CELSR2: variants seen among roughly 807,000 people sequenced by gnomAD.
CELSR2 encodes EGF-like protein 2.
In CELSR2, 81 loss-of-function variants were observed where a neutral mutation model predicts 251.6. That is an observed-to-expected ratio of 0.32 (90% CI 0.27 to 0.39). CELSR2 has a LOEUF of 0.39. CELSR2 is among the 10% of genes least tolerant of loss of function. The pLI, the probability that CELSR2 is intolerant of heterozygous loss-of-function variation, is 1.00. For synonymous variants in CELSR2, 1,721 were observed against 1,670.5 expected (o/e 1.03, Z -0.74); for missense variants, 3,365 against 3,947.7 (o/e 0.85, Z 3.96).
chr1:109,266,534 C>A, intron 15 of CELSR2: 1 of 189,292 alleles, frequency 5.3e-6, no homozygotes, highest in Non-Finnish European at 1.1e-5. Context: ...CTGCCTAAGC[C>A]TCTGGCCGCC....
chr1:109,274,442 C>G lies in CELSR2; in HGVS notation c.*393C>G, dbSNP rs1353338264. ...GGATAGGACCTCCCAGGATGCTTCC[C>G]AGCCTCTCCTCAGTTTCCCATCTGC... is the stretch of plus-strand genomic sequence containing the variant. On this transcript the variant is annotated 3_prime_UTR_variant, in exon 34 of 34. Coordinates refer to ENST00000271332, the MANE Select transcript of CELSR2 (RefSeq NM_001408.3). 1 of 248,078 alleles carries G rather than the reference C, an allele frequency of 4.0e-6. No individual in the cohort carries two copies. The highest frequency in any genetic ancestry group is 7.7e-6 in the Non-Finnish European group (1 of 129,182). 15.4% of individuals were successfully genotyped at this position (248,078 alleles called of 1,614,324 possible). A position where few individuals can be genotyped will look rare whatever the true frequency, so the allele number is the denominator to read the frequency against.
rs760705023 is a variant in CELSR2 at position 109,262,858 on chromosome 1, G to A, written c.4597G>A (p.Glu1533Lys). The change falls in exon 7 of 34, where the codon GAG (glutamate) becomes AAG (lysine). Residue 1533 changes from glutamate (E) to lysine (K), a missense_variant. By Grantham distance (56) the Glu-to-Lys change is moderately conservative. This residue lies in a region of CELSR2 where 2,093 missense variants were observed against 2,382.8 expected (regional missense o/e 0.88). Coordinates refer to ENST00000271332, the MANE Select transcript of CELSR2 (RefSeq NM_001408.3). The part of the protein sequence containing the change: ...LLLGGVPDLP[E>K]SFPVRMRQFV... ...ACTAGGCGGGGTGCCTGACCTGCCC[G>A]AGAGCTTCCCAGTCCGAATGCGGCA... 3 of 1,613,756 alleles carry A rather than the reference G, an allele frequency of 1.9e-6. No homozygotes were observed. Among genetic ancestry groups the A allele is most frequent in the Middle Eastern group, 1.7e-4 (1 of 6,052 alleles).
intron 6 of CELSR2, 100 bp downstream of exon 6, chr1:109,262,544 CCT>C (rs1656047061): frequency 1.4e-6 from 2 of 1,480,116 alleles, no homozygotes; most frequent in African/African-American, 2.8e-5. Flanking sequence ...TCTCCCTTTG[CCT>C]CTCTTAGCCC....
At position 109,249,898 on chromosome 1, in the gene CELSR2, G is replaced by A; in HGVS notation, c.-182G>A. On this transcript the variant is annotated 5_prime_UTR_variant, in exon 1 of 34. Coordinates refer to ENST00000271332, the MANE Select transcript of CELSR2 (RefSeq NM_001408.3). ...GGCTCAGGGGGCAGTGGGAGCCCGG[G>A]CTCGTCGGAGGGTGCAGCGCGGGGT... The A allele has an allele frequency of 4.8e-6, 2 of 418,900 alleles. No individual in the cohort carries two copies. Among genetic ancestry groups the A allele is most frequent in the Non-Finnish European group, 7.2e-6 (2 of 279,618 alleles). 25.9% of individuals were successfully genotyped at this position (418,900 alleles called of 1,614,324 possible).
intron 1 of CELSR2, 137 bp from the exon 2 acceptor site, chr1:109,258,295 A>G: frequency 1.7e-6 from 1 of 598,622 alleles, no homozygotes; most frequent in Non-Finnish European, 2.9e-6. Flanking sequence ...TGAAGGAGTG[A>G]TTGGCCCACA....
rs537085166 is a variant in CELSR2, at chr1:109,250,503, C to A, written c.424C>A (p.Arg142=). 1 of 1,613,838 alleles carries A rather than the reference C, an allele frequency of 6.2e-7. No homozygotes were observed. Among genetic ancestry groups the A allele is most frequent in the East Asian group, 2.2e-5 (1 of 44,872 alleles). ...PEEHPCLKAP[R]LRCQSCKLAQ... ...GGAGCACCCGTGCTTAAAGGCTCCACGGCTCAGATGCCAGTCCTGCAAGCT... is the reference window on the plus strand; with the variant it reads ...GGAGCACCCGTGCTTAAAGGCTCCAAGGCTCAGATGCCAGTCCTGCAAGCT... Residue 142 remains arginine (R), a synonymous_variant, in exon 1 of 34, where the codon CGG becomes AGG. Transcript: ENST00000271332. The surrounding 1 kb of genome is among the most constrained non-coding windows in gnomAD (Gnocchi z 4.4).
chr1:109,265,968 C>A (rs1447324541), intron 14 of CELSR2, 50 bp downstream of exon 14: 1 of 1,589,292 alleles, frequency 6.3e-7, no homozygotes, highest in East Asian at 2.2e-5. Context: ...GTGCTAGGCA[C>A]CTGCACCCCA....
intron 24 of CELSR2, 101 bp from the exon 25 acceptor site, chr1:109,270,826 T>G: frequency 9.9e-7 from 1 of 1,011,622 alleles, no homozygotes; most frequent in Non-Finnish European, 1.5e-6. Context: ...AGAACCCTTT[T>G]CCATGCTTCA....
chr1:109,273,256 G>T lies in CELSR2; in HGVS notation c.8429G>T (p.Arg2810Leu), dbSNP rs373771470. 5.0e-6 allele frequency: 8 copies of T among 1,611,718 alleles called. No individual in the cohort carries two copies. The highest frequency in any genetic ancestry group is 5.9e-6 in the Non-Finnish European group (7 of 1,178,946). The change falls in exon 32 of 34, where the codon CGG (arginine) becomes CTG (leucine). Residue 2810 changes from arginine (R) to leucine (L), a missense_variant. Arg to Leu is a moderately radical substitution (Grantham distance 102). Coordinates refer to ENST00000271332, the MANE Select transcript of CELSR2 (RefSeq NM_001408.3). ...ESSGNGAPEE[R>L]LRENGDALSR... is the part of the protein sequence containing the mutation. ...AGTGGCAACGGGGCCCCTGAGGAGC[G>T]GCTGCGGGAGAATGGAGATGCCCTG... is the stretch of plus-strand genomic sequence containing the variant.
At chr1:109,255,591 G>C (rs1430423975) in intron 1 of CELSR2, among the ~76,000 whole-genome samples, 1 of 152,226 alleles carries the variant, frequency 6.6e-6, no homozygotes, top group East Asian at 1.9e-4. Context: ...TCTGCCAGGG[G>C]AAGAGAGGCT....
intron 1 of CELSR2, 115 bp from the exon 2 acceptor site, chr1:109,258,317 T>C: frequency 1.5e-6 from 1 of 681,264 alleles, no homozygotes; most frequent in Non-Finnish European, 2.5e-6. Context: ...GTGACATACC[T>C]GGCTCAGCAC....
rs1470202004 is a variant in CELSR2, at chr1:109,264,263, C to T, written c.5187C>T (p.Asn1729=). The change falls in exon 10 of 34, where the codon AAC becomes AAT. Residue 1729 remains asparagine (N), a synonymous_variant. Coordinates refer to ENST00000271332, the MANE Select transcript of CELSR2 (RefSeq NM_001408.3). ...FDYGQQRAEG[N]LGPRLHGLHL... The stretch of plus-strand genomic sequence containing the variant: ...ATGGGCAGCAGAGAGCAGAGGGCAA[C>T]CTGGGCCCCCGGCTGCATGGTCTGC... The T allele has an allele frequency of 1.9e-6, 3 of 1,614,000 alleles. No individual in the cohort carries two copies. Among genetic ancestry groups the T allele is most frequent in the East Asian group, 4.5e-5 (2 of 44,888 alleles).
At chr1:109,262,722 G>A (rs6685415) in intron 6 of CELSR2, 84 bp from the exon 7 acceptor site, 12 of 1,565,782 alleles carry the variant, frequency 7.7e-6, no homozygotes, top group Admixed American at 1.7e-5. Context: ...TACGCCGTTC[G>A]TGTCTCTGGC....
Position 109,266,152 on chromosome 1 carries a change from C to G in CELSR2, c.5959C>G (p.Pro1987Ala). Residue 1987 changes from proline (P) to alanine (A), a missense_variant, in exon 15 of 34, where the codon CCC (proline) becomes GCC (alanine). By Grantham distance (27) the Pro-to-Ala change is conservative. Around this residue, in one of 5 missense-constraint regions of CELSR2, gnomAD observed 2,093 missense variants for 2,382.8 expected, o/e 0.88. Coordinates refer to ENST00000271332, the MANE Select transcript of CELSR2 (RefSeq NM_001408.3). The part of the protein sequence containing the change: ...PRAIEAGIWW[P>A]RTRFGLPAAA... ...AGCGATTGAGGCTGGGATCTGGTGG[C>G]CCCGTACCCGCTTCGGGCTGCCTGC... is the stretch of plus-strand genomic sequence containing the variant. 6.2e-7 allele frequency: 1 copy of G among 1,614,130 alleles called. No individual in the cohort carries two copies. Among genetic ancestry groups the G allele is most frequent in the Non-Finnish European group, 8.5e-7 (1 of 1,180,034 alleles).
chr1:109,255,593 A>G (rs1655822710), intron 1 of CELSR2, among the ~76,000 whole-genome samples: 1 of 152,192 alleles, frequency 6.6e-6, no homozygotes, highest in Non-Finnish European at 1.5e-5. Flanking sequence ...TGCCAGGGGA[A>G]GAGAGGCTGG....
At chr1:109,270,349 C>T (rs1432086131) in intron 23 of CELSR2, 77 bp from the exon 24 acceptor site, 3 of 1,526,194 alleles carry the variant, frequency 2.0e-6, no homozygotes, top group East Asian at 4.5e-5. Flanking sequence ...CCAGGCCCTC[C>T]TCCATGCCTG....
chr1:109,258,187 G>T (rs1655912230), intron 1 of CELSR2, among the ~76,000 whole-genome samples: 1 of 152,170 alleles, frequency 6.6e-6, no homozygotes, highest in Non-Finnish European at 1.5e-5. Context: ...GCTTGGGCAG[G>T]GAAAGGTGCA....
intron 28 of CELSR2, 73 bp from the exon 29 acceptor site, chr1:109,272,205 C>T: frequency 6.6e-7 from 1 of 1,505,702 alleles, no homozygotes; most frequent in South Asian, 1.3e-5. Context: ...CAAGTTCCCT[C>T]CACCCTCCTT....
chr1:109,258,949 C>T lies in CELSR2; in HGVS notation c.3828C>T (p.Cys1276=). 3.7e-6 allele frequency: 6 copies of T among 1,611,626 alleles called. No homozygotes were observed. The highest frequency in any genetic ancestry group is 4.2e-6 in the Non-Finnish European group (5 of 1,179,608). The change falls in exon 2 of 34, where the codon TGC becomes TGT. Residue 1276 remains cysteine, a synonymous_variant. Coordinates refer to ENST00000271332, the MANE Select transcript of CELSR2 (RefSeq NM_001408.3). ...CCGTCGGAGGGCTGCGCTGCCGCTG[C>T]CCGCCCGGCTTCACGGGTGACTACT... ...IHPVGGLRCR[C]PPGFTGDYCE...
Sources: allele counts gnomAD v4.1 joint callset (sites outside exome capture counted in the v4.1 genomes callset), GRCh38; gene constraint gnomAD v4.1.1; regional missense constraint gnomAD v4.1.1; non-coding constraint Gnocchi (gnomAD v3.1); transcripts MANE v1.5; gene names NCBI Gene and HGNC (gene_info 2026-07-23, HGNC 2026-07-21).